Variants in CLVS1 observed in about 807,000 individuals in gnomAD.
The protein encoded by CLVS1 is clavesin-1.
Under a neutral mutation model 33.1 loss-of-function variants are expected in CLVS1, and 10 were observed. The observed-to-expected ratio is 0.30, with a 90% CI of 0.19 to 0.51. CLVS1 has a LOEUF of 0.51. Ranked by LOEUF, CLVS1 falls within the 20% of genes least tolerant of loss-of-function variation. The pLI is 0.97. For synonymous variants in CLVS1, 163 were observed against 166.1 expected, an observed-to-expected ratio of 0.98 and a Z score of 0.14; for missense variants, 343 against 433.4, an observed-to-expected ratio of 0.79 and a Z score of 1.85.
At chr8:61,122,569 A>AAACACAC (rs370094310) in intron 1 of CLVS1, among the ~76,000 whole-genome samples, 1 of 144,532 alleles carries the variant, frequency 6.9e-6, no homozygotes, top group Non-Finnish European at 1.5e-5. Context: ...ATATTAAGAA[A>AAACACAC]ACACACACAC....
At chr8:61,042,240 TA>T in the CLVS1 span, among the ~76,000 whole-genome samples, 1 of 152,346 alleles carries the variant, frequency 6.6e-6, no homozygotes, top group South Asian at 2.1e-4. Context: ...GTAAAGCATT[TA>T]GAATACATGG....
At chr8:60,989,699 GC>G in the CLVS1 span, among the ~76,000 whole-genome samples, 29 of 152,208 alleles carry the variant, frequency 1.9e-4, no homozygotes, top group African/African-American at 6.7e-4. Flanking sequence ...AACAAATCTT[GC>G]CAGTTTTCAG....
Position 61,394,391 on chromosome 8 carries a change from G to C in CLVS1, c.630+17612G>C, listed in dbSNP as rs192037146. On this transcript the variant is annotated intron_variant, in intron 3 of 5. Coordinates refer to ENST00000325897, the MANE Select transcript of CLVS1 (RefSeq NM_173519.3). Reference sequence around the variant, plus strand: ...CTTAGGTGATGGGCTGGGCCATAGAGCTCCTGAGTTTATGTCTTTTGTCTT... The same window carrying C: ...CTTAGGTGATGGGCTGGGCCATAGACCTCCTGAGTTTATGTCTTTTGTCTT... Among the ~76,000 whole-genome samples, 8 of 152,258 alleles carry C rather than the reference G, an allele frequency of 5.3e-5. No homozygotes were observed. The East Asian group carries it at 1.5e-3, about 29-fold the overall frequency.
At chr8:61,054,303 G>A (rs1336067761), upstream of CLVS1, among the ~76,000 whole-genome samples, 1 of 152,218 alleles carries the variant, frequency 6.6e-6, no homozygotes, top group Non-Finnish European at 1.5e-5. Context: ...TGCGACCAGA[G>A]AAGCTGGGTG....
chr8:61,260,115 A>G (rs1158593185), intron 2 of CLVS1, among the ~76,000 whole-genome samples: 1 of 152,068 alleles, frequency 6.6e-6, no homozygotes, highest in Non-Finnish European at 1.5e-5. Flanking sequence ...GTAACGTAGG[A>G]TGGCAGTTAC....
intron 2 of CLVS1, among the ~76,000 whole-genome samples, chr8:61,151,642 G>A (rs1327830259): frequency 6.6e-6 from 1 of 152,188 alleles, no homozygotes; most frequent in Non-Finnish European, 1.5e-5. Context: ...GGCCCCAGGT[G>A]TGCCTTTCAC....
chr8:61,499,350 G>GTGTC, intron 5 of CLVS1, 105 bp from the exon 6 acceptor site: 1 of 710,316 alleles, frequency 1.4e-6, no homozygotes. Flanking sequence ...TAATTTTTGA[G>GTGTC]TGTCTATTAA....
At chr8:61,232,023 G>GTTTGTTTGTTTTTTTT in intron 2 of CLVS1, among the ~76,000 whole-genome samples, 18 of 62,622 alleles carry the variant, frequency 2.9e-4, no homozygotes, top group African/African-American at 7.1e-4. Context: ...GAAAGTTGTG[G>GTTTGTTTGTTTTTTTT]TTTTTTTTTT....
At position 61,196,484 on chromosome 8, in the gene CLVS1, T is replaced by TA. The variant is rs1304310782; in HGVS notation, c.-152+64633dup. On this transcript the variant is annotated intron_variant, in intron 2 of 2. Transcript: ENST00000522621. ...GAAACCCAACCAATATTGGCTTAAT[T>TA]AAAAAAAAATGGAATGTGTTTATTC... 1.4e-4 allele frequency among the ~76,000 whole-genome samples: 21 copies of TA among 151,568 alleles called. No individual in the cohort carries two copies. In the South Asian group the frequency reaches 1.7e-3, roughly 12 times the overall value.
chr8:61,164,803 CT>C (rs948786303), intron 2 of CLVS1, among the ~76,000 whole-genome samples: 7 of 152,174 alleles, frequency 4.6e-5, no homozygotes, highest in Non-Finnish European at 8.8e-5. Context: ...GCCTACTAAA[CT>C]TTTCGCACTT....
the CLVS1 span, among the ~76,000 whole-genome samples, chr8:61,030,236 A>G: frequency 5.9e-5 from 9 of 151,990 alleles, no homozygotes; most frequent in African/African-American, 2.2e-4. Flanking sequence ...TTAGTGTTAA[A>G]CAGAAGAACT....
intron 2 of CLVS1, among the ~76,000 whole-genome samples, chr8:61,173,070 C>T (rs1358374288): frequency 6.6e-6 from 1 of 152,156 alleles, no homozygotes; most frequent in Admixed American, 6.5e-5. Flanking sequence ...CCTCATGTGT[C>T]AAGTGCGCAT....
intron 2 of CLVS1, among the ~76,000 whole-genome samples, chr8:61,240,584 A>G (rs1466544858): frequency 6.6e-6 from 1 of 152,214 alleles, no homozygotes; most frequent in Non-Finnish European, 1.5e-5. Flanking sequence ...TGTCTATTTT[A>G]TTCACAATTG....
In CLVS1 at chr8:61,304,215, CAG is replaced by C. The variant is rs1433843705; in HGVS notation, c.455+3934_455+3935del. Among the ~76,000 whole-genome samples the C allele has an allele frequency of 2.0e-5, 3 of 152,338 alleles. No individual in the cohort carries two copies. In the South Asian group the frequency reaches 6.2e-4, roughly 32 times the overall value. ...AAATGGTTATGAATATTTATTAAGA[CAG>C]TGTAAATCTCATTCATCTGGACCCA... On this transcript the variant is annotated intron_variant, in intron 2 of 5. Transcript: ENST00000325897.
intron 3 of CLVS1, among the ~76,000 whole-genome samples, chr8:61,444,401 T>A (rs1036880465): frequency 6.6e-6 from 1 of 152,214 alleles, no homozygotes; most frequent in East Asian, 1.9e-4. Flanking sequence ...AGAAGGTTCC[T>A]CTCCAATTCT....
At chr8:61,033,342 G>A in the CLVS1 span, among the ~76,000 whole-genome samples, 2 of 117,188 alleles carry the variant, frequency 1.7e-5, no homozygotes, top group African/African-American at 2.8e-5. Context: ...TCCTGGGGTA[G>A]CAGGGCAGCC....
chr8:60,999,397 G>T, the CLVS1 span, among the ~76,000 whole-genome samples: 6 of 152,152 alleles, frequency 3.9e-5, no homozygotes, highest in Non-Finnish European at 8.8e-5. Flanking sequence ...GTGGGGTATG[G>T]TAGAAAGGCA....
chr8:61,001,966 T>G, the CLVS1 span, among the ~76,000 whole-genome samples: 1 of 151,904 alleles, frequency 6.6e-6, no homozygotes, highest in Non-Finnish European at 1.5e-5. Context: ...TAAAGCATGT[T>G]GTGCCTTCAA....
chr8:60,975,587 G>A, the CLVS1 span, among the ~76,000 whole-genome samples: 1 of 152,290 alleles, frequency 6.6e-6, no homozygotes, highest in Non-Finnish European at 1.5e-5. Context: ...AGGCAAGGCA[G>A]TATCTGGAGC....
Sources: allele counts gnomAD v4.1 joint callset (sites outside exome capture counted in the v4.1 genomes callset), GRCh38; gene constraint gnomAD v4.1.1; transcripts MANE v1.5; gene names NCBI Gene and HGNC (gene_info 2026-07-23, HGNC 2026-07-21).